KIAA1328: variants seen among roughly 807,000 people sequenced by gnomAD.
KIAA1328 encodes the protein protein hinderin.
In KIAA1328, 52 loss-of-function variants were observed where a neutral mutation model predicts 68.1. The ratio of observed to expected loss-of-function variants is 0.76; its 90% CI spans 0.61 to 0.96. KIAA1328 has a LOEUF of 0.96. KIAA1328 is among the 40% of genes least tolerant of loss of function. KIAA1328 has a pLI of 0.00. For synonymous variants in KIAA1328, 232 were observed against 239.4 expected (o/e 0.97, Z 0.28); for missense variants, 641 against 677.6 (o/e 0.95, Z 0.60).
At chr18:37,055,599 G>T (rs530467031) in intron 6 of KIAA1328, among the ~76,000 whole-genome samples, 3 of 152,128 alleles carry the variant, frequency 2.0e-5, no homozygotes, top group African/African-American at 7.2e-5. Flanking sequence ...CTTGACGACT[G>T]GTCCATATAT....
chr18:36,928,401 A>G (rs1009123194), intron 5 of KIAA1328, among the ~76,000 whole-genome samples: 3 of 152,100 alleles, frequency 2.0e-5, no homozygotes, highest in Non-Finnish European at 4.4e-5. Context: ...ACTTTATTGT[A>G]TCTCAGTTTT....
chr18:37,175,352 A>T (rs2154214387), intron 9 of KIAA1328, among the ~76,000 whole-genome samples: 1 of 152,300 alleles, frequency 6.6e-6, no homozygotes, highest in Middle Eastern at 3.4e-3. Context: ...TTTGGAATGG[A>T]TCATATCAAC....
At chr18:37,151,737 G>A (rs9958958) in intron 7 of KIAA1328, among the ~76,000 whole-genome samples, 3 of 152,122 alleles carry the variant, frequency 2.0e-5, no homozygotes. Context: ...GGGAAGAAAT[G>A]AACCTTGATC....
chr18:36,936,187 G>T (rs555319790), intron 5 of KIAA1328, among the ~76,000 whole-genome samples: 1 of 150,008 alleles, frequency 6.7e-6, no homozygotes, highest in African/African-American at 2.5e-5. Flanking sequence ...TGGGATTCTT[G>T]TCCAGAACGT....
intron 2 of KIAA1328, among the ~76,000 whole-genome samples, chr18:36,835,010 A>C (rs1183064845): frequency 6.6e-6 from 1 of 152,214 alleles, no homozygotes; most frequent in Non-Finnish European, 1.5e-5. Context: ...TCTCTTTAAA[A>C]AAATAAATAT....
intron 7 of KIAA1328, among the ~76,000 whole-genome samples, chr18:37,109,951 G>A (rs1282729449): frequency 2.0e-5 from 3 of 151,822 alleles, no homozygotes; most frequent in African/African-American, 7.3e-5. Flanking sequence ...ATCTGAAACG[G>A]AGCTCTTGTC....
chr18:37,214,507 A>T (rs1275784233), intron 9 of KIAA1328, among the ~76,000 whole-genome samples: 1 of 151,990 alleles, frequency 6.6e-6, no homozygotes, highest in Non-Finnish European at 1.5e-5. Context: ...CCATTGTTCT[A>T]TATCTCTGTT....
At chr18:37,149,644 A>G (rs942782559) in intron 7 of KIAA1328, among the ~76,000 whole-genome samples, 15 of 152,214 alleles carry the variant, frequency 9.9e-5, no homozygotes, top group Non-Finnish European at 1.6e-4. Flanking sequence ...TAGAAAAGGT[A>G]TAGTAAAAAA....
chr18:36,894,533 C>CT (rs373988858), intron 5 of KIAA1328, among the ~76,000 whole-genome samples: 1,659 of 148,528 alleles, frequency 0.011, 36 homozygotes, highest in African/African-American at 0.038. Context: ...GACTACTTTT[C>CT]TTTTTTTTTT....
intron 7 of KIAA1328, among the ~76,000 whole-genome samples, chr18:37,134,194 G>A (rs1370148643): frequency 2.6e-5 from 4 of 151,892 alleles, no homozygotes; most frequent in African/African-American, 7.3e-5. Flanking sequence ...TGTACTTTCA[G>A]TAGAGACAAG....
chr18:37,029,118 G>C (rs1319657122), intron 6 of KIAA1328, among the ~76,000 whole-genome samples: 2 of 152,034 alleles, frequency 1.3e-5, no homozygotes, highest in African/African-American at 4.8e-5. Context: ...TGTATGTCTG[G>C]TAGAATTCAC....
Position 37,075,352 on chromosome 18 carries a change from C to G in KIAA1328, c.1232+7807C>G, listed in dbSNP as rs1241097211. The G allele has an allele frequency of 2.6e-5, 4 of 152,148 alleles. No individual in the cohort carries two copies. In the South Asian group the frequency reaches 6.2e-4, roughly 24 times the overall value. 9.4% of individuals were successfully genotyped at this position (152,148 alleles called of 1,614,324 possible). On this transcript the variant is annotated intron_variant, in intron 7 of 9. Coordinates refer to ENST00000280020, the MANE Select transcript of KIAA1328 (RefSeq NM_020776.3). ...AGGAAGCACTAAACATGGAAAGGAA[C>G]AACTGGTACCAGCTGCTGCAAAATC...
chr18:37,105,931 A>T (rs2057761292), intron 7 of KIAA1328, among the ~76,000 whole-genome samples: 1 of 148,688 alleles, frequency 6.7e-6, no homozygotes, highest in Admixed American at 6.7e-5. Flanking sequence ...AAAAAAAAAA[A>T]AAAAAAAAAA....
At chr18:37,138,151 G>A (rs755913319) in intron 7 of KIAA1328, among the ~76,000 whole-genome samples, 3 of 152,150 alleles carry the variant, frequency 2.0e-5, no homozygotes, top group African/African-American at 7.2e-5. Flanking sequence ...TTTAGGTAGT[G>A]TATATGTGCT....
intron 6 of KIAA1328, among the ~76,000 whole-genome samples, chr18:36,984,304 C>G (rs903358912): frequency 6.6e-6 from 1 of 151,954 alleles, no homozygotes; most frequent in African/African-American, 2.4e-5. Flanking sequence ...AATTGAGAAG[C>G]AAATAATAAA....
At chr18:37,116,847 G>A (rs943430517) in intron 7 of KIAA1328, among the ~76,000 whole-genome samples, 2 of 152,156 alleles carry the variant, frequency 1.3e-5, no homozygotes, top group African/African-American at 2.4e-5. Flanking sequence ...AAAAGTGGGT[G>A]AAGGATATGA....
chr18:36,997,822 T>C (rs1236941473), intron 6 of KIAA1328, among the ~76,000 whole-genome samples: 2 of 152,038 alleles, frequency 1.3e-5, no homozygotes, highest in Admixed American at 6.5e-5. Flanking sequence ...TGGGACTTGG[T>C]TGTGAGATAC....
chr18:36,880,587 G>A (rs1436159790), intron 4 of KIAA1328, among the ~76,000 whole-genome samples: 1 of 152,062 alleles, frequency 6.6e-6, no homozygotes, highest in South Asian at 2.1e-4. Flanking sequence ...TGGCTATGAC[G>A]TCCAGTCAAT....
chr18:37,090,167 A>G (rs1434346747), intron 7 of KIAA1328, among the ~76,000 whole-genome samples: 1 of 152,244 alleles, frequency 6.6e-6, no homozygotes, highest in South Asian at 2.1e-4. Context: ...AATTATAAAA[A>G]AAGTTTTCAC....
Sources: gnomAD v4.1 joint callset for allele counts (sites outside exome capture counted in the v4.1 genomes callset) on GRCh38, gnomAD v4.1.1 for gene constraint, MANE v1.5 for transcripts, NCBI Gene and HGNC (gene_info 2026-07-23, HGNC 2026-07-21) for gene names.